Variants in PIP4K2B observed in about 807,000 individuals in gnomAD.
PIP4K2B encodes phosphatidylinositol 5-phosphate 4-kinase type-2 beta.
PIP4K2B carries 3 observed loss-of-function variants against 42.0 expected under a neutral mutation model. The ratio of observed to expected loss-of-function variants is 0.07; its 90% CI spans 0.03 to 0.18. The LOEUF is 0.18. Among genes scored for constraint, PIP4K2B ranks in the 10% least tolerant of loss-of-function variants. The probability of loss-of-function intolerance (pLI) is 1.00; values close to 1 mark genes in which losing one functional copy is unlikely to be tolerated. For synonymous variants in PIP4K2B, 204 were observed against 210.1 expected (o/e 0.97, Z 0.25); for missense variants, 332 against 562.3 (o/e 0.59, Z 4.14).
chr17:38,771,702 AGAGG>A (rs1189549614), intron 7 of PIP4K2B, among the ~76,000 whole-genome samples: 1 of 152,160 alleles, frequency 6.6e-6, no homozygotes, highest in African/African-American at 2.4e-5. Flanking sequence ...CACTGCAGGA[AGAGG>A]GAACAGCCCA....
rs1908846976 is a variant in PIP4K2B, at chr17:38,768,716, AGGGCACAGG to A, written c.*966_*974del. The A allele has an allele frequency of 6.6e-6, 1 of 152,276 alleles. No individual in the cohort carries two copies. The highest frequency in any genetic ancestry group is 1.5e-5 in the Non-Finnish European group (1 of 68,050). 9.4% of individuals were successfully genotyped at this position (152,276 alleles called of 1,614,324 possible). ...TCAGAAGGAAGAAGGAAATAGATCG[AGGGCACAGG>A]GCCTCATTTGATACATCAGTTTCTG... On this transcript the variant is annotated 3_prime_UTR_variant, in exon 10 of 10. Transcript: ENST00000619039.
chr17:38,779,355 C>T (rs201186652), intron 5 of PIP4K2B, 28 bp downstream of exon 5: 1 of 1,588,518 alleles, frequency 6.3e-7, no homozygotes, highest in Non-Finnish European at 8.6e-7. Flanking sequence ...AGGGGAGGCA[C>T]AGCTCCGGCA....
intron 7 of PIP4K2B, among the ~76,000 whole-genome samples, chr17:38,772,361 G>C (rs1460707157): frequency 6.6e-6 from 1 of 152,162 alleles, no homozygotes; most frequent in Non-Finnish European, 1.5e-5. Flanking sequence ...GTCCCATTCA[G>C]TGCTGCCCAG....
At chr17:38,789,255 G>A (rs1910212687) in intron 1 of PIP4K2B, among the ~76,000 whole-genome samples, 2 of 152,236 alleles carry the variant, frequency 1.3e-5, no homozygotes, top group Admixed American at 1.3e-4. Flanking sequence ...CAGGGAGCTG[G>A]ATCCTAGACA....
intron 1 of PIP4K2B, among the ~76,000 whole-genome samples, chr17:38,788,451 C>T (rs1340637547): frequency 2.6e-5 from 4 of 151,846 alleles, no homozygotes; most frequent in African/African-American, 4.8e-5. Flanking sequence ...CCACCCACCT[C>T]GGCCTCCCAA....
chr17:38,792,526 G>T (rs1910395953), intron 1 of PIP4K2B, among the ~76,000 whole-genome samples: 1 of 152,204 alleles, frequency 6.6e-6, no homozygotes, highest in African/African-American at 2.4e-5. Flanking sequence ...TTCTAGTCTG[G>T]TGAACTTGTG....
Position 38,799,488 on chromosome 17 carries a change from C to T in PIP4K2B, c.-64G>A. ...GCGGAGACAGCGCACAAGCCAGCGGCCTCAGGCCTCCCCCGGACCGATCCC... is the reference window on the plus strand; with the variant it reads ...GCGGAGACAGCGCACAAGCCAGCGGTCTCAGGCCTCCCCCGGACCGATCCC... On this transcript the variant is annotated 5_prime_UTR_variant, in exon 1 of 10. Coordinates refer to ENST00000619039, the MANE Select transcript of PIP4K2B (RefSeq NM_003559.5). This position sits in a 1 kb window ranked among gnomAD's most constrained non-coding sequence, Gnocchi z 4.4. 2.7e-6 allele frequency: 4 copies of T among 1,474,606 alleles called. No individual in the cohort carries two copies. The highest frequency in any genetic ancestry group is 3.6e-6 in the Non-Finnish European group (4 of 1,122,066). 91.3% of individuals were successfully genotyped at this position (1,474,606 alleles called of 1,614,324 possible).
At chr17:38,788,056 A>G (rs1910131847) in intron 1 of PIP4K2B, among the ~76,000 whole-genome samples, 1 of 152,222 alleles carries the variant, frequency 6.6e-6, no homozygotes, top group Admixed American at 6.5e-5. Context: ...GTGGGTATTA[A>G]TTAAGGCCTT....
chr17:38,786,605 G>A (rs1455585907), intron 2 of PIP4K2B, among the ~76,000 whole-genome samples: 2 of 152,216 alleles, frequency 1.3e-5, no homozygotes, highest in African/African-American at 2.4e-5. Flanking sequence ...AAGGGCCACC[G>A]GAGGTAGGCT....
At chr17:38,773,161 T>G (rs1909140756) in intron 7 of PIP4K2B, among the ~76,000 whole-genome samples, 1 of 152,122 alleles carries the variant, frequency 6.6e-6, no homozygotes, top group African/African-American at 2.4e-5. Context: ...TAGACAGTGT[T>G]TCAGTTGTGT....
chr17:38,794,347 T>C (rs532498428), intron 1 of PIP4K2B, among the ~76,000 whole-genome samples: 2 of 151,876 alleles, frequency 1.3e-5, no homozygotes, highest in Non-Finnish European at 1.5e-5. Flanking sequence ...AGTTAATTGG[T>C]AGGCATAAAG....
chr17:38,773,810 G>C (rs1274402894), intron 7 of PIP4K2B, among the ~76,000 whole-genome samples: 3 of 152,098 alleles, frequency 2.0e-5, no homozygotes, highest in Non-Finnish European at 4.4e-5. Flanking sequence ...AGGGAGAAGG[G>C]GCTAGGGTCC....
intron 1 of PIP4K2B, among the ~76,000 whole-genome samples, chr17:38,790,094 A>T (rs115848252): frequency 0.011 from 1,742 of 152,240 alleles, 35 homozygotes; most frequent in African/African-American, 0.04. Flanking sequence ...CGCACACTTA[A>T]TATACATAAA....
At chr17:38,792,808 A>T (rs1432263471) in intron 1 of PIP4K2B, 1 of 151,812 alleles carries the variant, frequency 6.6e-6, no homozygotes, top group African/African-American at 2.4e-5. Flanking sequence ...ACCGGTGTTT[A>T]CTCCTCCTTT....
At chr17:38,774,165 C>T (rs868248649) in intron 7 of PIP4K2B, among the ~76,000 whole-genome samples, 4 of 152,182 alleles carry the variant, frequency 2.6e-5, no homozygotes, top group African/African-American at 9.7e-5. Flanking sequence ...TGGACTGGGC[C>T]TGAGTGCCCA....
intron 6 of PIP4K2B, 75 bp downstream of exon 6, chr17:38,778,259 C>T (rs1223921465): frequency 1.2e-5 from 16 of 1,372,876 alleles, no homozygotes; most frequent in Middle Eastern, 1.8e-4. Flanking sequence ...CTGGGGTGGG[C>T]GAGGGACAGG....
chr17:38,793,912 G>C (rs970542957), intron 1 of PIP4K2B, among the ~76,000 whole-genome samples: 1 of 151,876 alleles, frequency 6.6e-6, no homozygotes, highest in African/African-American at 2.4e-5. Flanking sequence ...GAAAGAAAAT[G>C]TATGGACAGA....
chr17:38,777,729 C>T lies in PIP4K2B; in HGVS notation c.765G>A (p.Glu255=). 1 of 1,614,128 alleles carries T rather than the reference C, an allele frequency of 6.2e-7. No individual in the cohort carries two copies. Among genetic ancestry groups the T allele is most frequent in the African/African-American group, 1.3e-5 (1 of 75,058 alleles). The stretch of plus-strand genomic sequence containing the variant: ...GTTTCTCCAGGAAGTTCTTTTTACT[C>T]TCCTCTCCCACATGCAGCTTCTGCC... ...NEGQKLHVGE[E]SKKNFLEKLK... The change falls in exon 7 of 10, where the codon GAG becomes GAA. Residue 255 remains glutamate, a synonymous_variant. Transcript: ENST00000619039.
intron 8 of PIP4K2B, 76 bp downstream of exon 8, chr17:38,770,938 A>G (rs1908990201): frequency 1.3e-6 from 2 of 1,532,386 alleles, no homozygotes; most frequent in South Asian, 1.2e-5. Context: ...AGATGCCCCT[A>G]GAAGGATCTA....
Sources: gnomAD v4.1 joint callset for allele counts (sites outside exome capture counted in the v4.1 genomes callset) on GRCh38, gnomAD v4.1.1 for gene constraint, Gnocchi (gnomAD v3.1) non-coding constraint, MANE v1.5 for transcripts, NCBI Gene and HGNC (gene_info 2026-07-23, HGNC 2026-07-21) for gene names.